MISP: variants seen among roughly 807,000 people sequenced by gnomAD.
MISP encodes mitotic interactor and substrate of PLK1.
In MISP, 51 loss-of-function variants were observed where a neutral mutation model predicts 49.3. The ratio of observed to expected loss-of-function variants is 1.03; its 90% CI spans 0.83 to 1.31. The LOEUF (loss-of-function observed/expected upper bound fraction) is 1.31, where lower values mean the gene tolerates loss of function less well. Ranked by LOEUF, MISP falls within the 50% of genes most tolerant of loss-of-function variation. MISP has a pLI of 0.00. For synonymous variants in MISP, 444 were observed against 392.6 expected, an observed-to-expected ratio of 1.13 and a Z score of -1.55; for missense variants, 1,084 against 935.1, an observed-to-expected ratio of 1.16 and a Z score of -2.08.
At chr19:749,456 G>GCACCCTGAGCTTTCGCA (rs1568238553), upstream of MISP, among the ~76,000 whole-genome samples, 1 of 152,188 alleles carries the variant, frequency 6.6e-6, no homozygotes, top group Non-Finnish European at 1.5e-5. Context: ...GTGAGGCCGC[G>GCACCCTGAGCTTTCGCA]CACCCTGAGC....
rs34166705 is a variant in MISP, at chr19:757,177, G to A, written c.231G>A (p.Pro77=). The change falls in exon 2 of 5, where the codon CCG becomes CCA. Residue 77 remains proline (P), a synonymous_variant. Transcript: ENST00000215582. The part of the protein sequence containing the change: ...SYSVHAYTGQ[P]SPRGLHSENR... ...GCGTGCATGCCTACACTGGCCAGCC[G>A]TCCCCACGGGGGCTCCACTCGGAGA... 6.0e-4 allele frequency: 967 copies of A among 1,613,458 alleles called. 4 individuals carry two copies. The African/African-American group carries it at 0.011, about 18-fold the overall frequency.
chr19:757,585 C>T lies in MISP; in HGVS notation c.639C>T (p.Ser213=). The T allele has an allele frequency of 1.2e-6, 2 of 1,612,784 alleles. No individual in the cohort carries two copies. Among genetic ancestry groups the T allele is most frequent in the South Asian group, 1.1e-5 (1 of 90,870 alleles). The part of the protein sequence containing the change: ...LEQANKGAPH[S]SPARGTPAGT... ...AGGCGAACAAGGGGGCCCCTCATAG[C>T]TCCCCGGCCAGGGGGACCCCTGCAG... The change falls in exon 2 of 5, where the codon AGC becomes AGT. Residue 213 remains serine (S), a synonymous_variant. Coordinates refer to ENST00000215582, the MANE Select transcript of MISP (RefSeq NM_173481.4).
chr19:751,221 G>T (rs2033455028), intron 1 of MISP, 50 bp downstream of exon 1: 1 of 152,254 alleles, frequency 6.6e-6, no homozygotes, highest in Non-Finnish European at 1.5e-5. Flanking sequence ...CCTGTGTGGG[G>T]CGGTTGGATC....
At chr19:752,726 G>A (rs368289801) in intron 1 of MISP, among the ~76,000 whole-genome samples, 4 of 146,542 alleles carry the variant, frequency 2.7e-5, no homozygotes, top group African/African-American at 9.9e-5. Flanking sequence ...CCTGCTCGAG[G>A]CTGGGCGGAC....
At position 763,588 on chromosome 19, in the gene MISP, T is replaced by C; in HGVS notation, c.2038T>C (p.Ter680ArgextTer32). Residue 680 changes from the stop codon to arginine, a stop_lost, in exon 5 of 5, where the codon TGA becomes CGA. Transcript: ENST00000215582. ...SRIYASEEDD[*>R] ...CATCTACGCCAGTGAGGAGGATGAC[T>C]GAGCCTCGGGATGGGGCGCCCACCC... The C allele has an allele frequency of 6.2e-7, 1 of 1,612,830 alleles. No individual in the cohort carries two copies. The highest frequency in any genetic ancestry group is 8.5e-7 in the Non-Finnish European group (1 of 1,179,280).
upstream of MISP, among the ~76,000 whole-genome samples, chr19:750,427 T>A (rs1057053681): frequency 6.6e-5 from 10 of 152,044 alleles, no homozygotes; most frequent in Admixed American, 3.3e-4. Flanking sequence ...CTCGAACTCC[T>A]GGCCTCAAGT....
chr19:758,821 G>C, intron 2 of MISP, 95 bp downstream of exon 2: 1 of 1,058,604 alleles, frequency 9.4e-7, no homozygotes, highest in Non-Finnish European at 1.4e-6. Flanking sequence ...CTGTCAAAGG[G>C]CTGGGGTTGG....
Position 759,925 on chromosome 19 carries a change from C to T in MISP, c.1797C>T (p.Tyr599=), listed in dbSNP as rs780631710. 5.0e-6 allele frequency: 8 copies of T among 1,613,964 alleles called. No homozygotes were observed. Among genetic ancestry groups the T allele is most frequent in the Admixed American group, 3.3e-5 (2 of 59,990 alleles). The change falls in exon 3 of 5, where the codon TAC becomes TAT. Residue 599 remains tyrosine, a synonymous_variant. Transcript: ENST00000215582. The stretch of plus-strand genomic sequence containing the variant: ...CCCCTACAGGCATCACGGGCAGTTA[C>T]TCGGTGTCTGAGTCTCCCTTCTTCA... ...SSQASGITGS[Y]SVSESPFFSP...
Position 758,453 on chromosome 19 carries a change from T to C in MISP, c.1507T>C (p.Tyr503His), listed in dbSNP as rs774986449. ...CAACAGGGGTGTCGTGCGGTGGGAG[T>C]ACTTCCGCCTGCGTCCTCTGCGGTT... ...QANRGVVRWE[Y>H]FRLRPLRFRA... Residue 503 changes from tyrosine (Y) to histidine (H), a missense_variant, in exon 2 of 5, where the codon TAC (tyrosine) becomes CAC (histidine). Transcript: ENST00000215582. 129 of 1,613,702 alleles carry C rather than the reference T, an allele frequency of 8.0e-5. No homozygotes were observed. Among genetic ancestry groups the C allele is most frequent in the Middle Eastern group, 1.6e-4 (1 of 6,082 alleles).
chr19:754,178 G>A (rs2144953626), intron 1 of MISP, among the ~76,000 whole-genome samples: 1 of 151,946 alleles, frequency 6.6e-6, no homozygotes, highest in Middle Eastern at 3.4e-3. Context: ...TTAGCCGGGT[G>A]TCCTGGCTGG....
chr19:752,188 AG>A (rs2033469180), intron 1 of MISP, among the ~76,000 whole-genome samples: 1 of 152,148 alleles, frequency 6.6e-6, no homozygotes. Context: ...AAGGTGTTGC[AG>A]GAAGAGTCTC....
chr19:763,733 G>A lies in MISP; in HGVS notation c.*143G>A. 2 of 626,678 alleles carry A rather than the reference G, an allele frequency of 3.2e-6. No individual in the cohort carries two copies. The highest frequency in any genetic ancestry group is 5.7e-6 in the Non-Finnish European group (2 of 350,696). The allele number at this position is 626,678 out of a possible 1,614,324, so 38.8% of individuals were successfully genotyped here. The stretch of plus-strand genomic sequence containing the variant: ...GCTCATCTGCCAACAATCCCACCAT[G>A]GGCACATTTGGGACTGTTGGGTTTT... On this transcript the variant is annotated 3_prime_UTR_variant, in exon 5 of 5. Transcript: ENST00000215582.
At chr19:751,904 A>G (rs2033465308) in intron 1 of MISP, among the ~76,000 whole-genome samples, 1 of 152,116 alleles carries the variant, frequency 6.6e-6, no homozygotes, top group Non-Finnish European at 1.5e-5. Context: ...CCACAAGGGA[A>G]CCTTTGCCCC....
chr19:750,817 C>T (rs1390070388), upstream of MISP, among the ~76,000 whole-genome samples: 1 of 152,138 alleles, frequency 6.6e-6, no homozygotes, highest in Non-Finnish European at 1.5e-5. Context: ...GCCCTGGACA[C>T]CTGCTGACCC....
chr19:749,415 G>C (rs1000370787), upstream of MISP, among the ~76,000 whole-genome samples: 1 of 152,214 alleles, frequency 6.6e-6, no homozygotes, highest in Non-Finnish European at 1.5e-5. Context: ...GGACGTGAAG[G>C]GGGTGGCGGG....
At chr19:763,475 G>A (rs1316992174) in intron 4 of MISP, 26 bp from the exon 5 acceptor site, 2 of 1,572,298 alleles carry the variant, frequency 1.3e-6, no homozygotes, top group Non-Finnish European at 1.8e-6. Flanking sequence ...ACCTGGATCG[G>A]GGGAATTCAT....
chr19:754,080 G>A lies in MISP; in HGVS notation c.-57-2810G>A, dbSNP rs191224676. Among the ~76,000 whole-genome samples the A allele has an allele frequency of 1.5e-3, 221 of 152,296 alleles. 3 individuals are homozygous for A. The South Asian group carries it at 0.021, about 14-fold the overall frequency. On this transcript the variant is annotated intron_variant, in intron 1 of 4. Transcript: ENST00000215582. ...CGCCTGTAATCCCTGCACTTTGGGA[G>A]GCCGAGGCAGGCGGATCACCTGAAG...
At position 758,108 on chromosome 19, in the gene MISP, G is replaced by T; in HGVS notation, c.1162G>T (p.Gly388Ter). The change falls in exon 2 of 5, where the codon GGA becomes TGA. Residue 388 changes from glycine to a stop codon, truncating the protein, a stop_gained. Coordinates refer to ENST00000215582, the MANE Select transcript of MISP (RefSeq NM_173481.4). LOFTEE classifies it high-confidence loss of function. ...PDWVSEGPQPGLRRALSSDSI... is the reference protein window; with the variant it reads ...PDWVSEGPQP ...CTGGGTCTCGGAGGGTCCCCAGCCC[G>T]GACTCCGGAGAGCCCTCAGCTCAGA... is the stretch of plus-strand genomic sequence containing the variant. 1 of 1,599,390 alleles carries T rather than the reference G, an allele frequency of 6.3e-7. No homozygotes were observed. Among genetic ancestry groups the T allele is most frequent in the Non-Finnish European group, 8.5e-7 (1 of 1,173,010 alleles).
At chr19:750,446 C>T (rs952531258), upstream of MISP, among the ~76,000 whole-genome samples, 8 of 152,046 alleles carry the variant, frequency 5.3e-5, no homozygotes, top group East Asian at 3.9e-4. Context: ...GTGATCCGCC[C>T]GCCTCGGCCT....
Sources: gnomAD v4.1 joint callset for allele counts (sites outside exome capture counted in the v4.1 genomes callset) on GRCh38, gnomAD v4.1.1 for gene constraint, MANE v1.5 for transcripts, NCBI Gene and HGNC (gene_info 2026-07-23, HGNC 2026-07-21) for gene names.